The following PICALM variants were observed in gnomAD, a reference collection of about 807,000 sequenced individuals.
PICALM encodes phosphatidylinositol-binding clathrin assembly protein.
A neutral mutation model predicts 80.5 loss-of-function variants in PICALM; 40 were observed. The ratio of observed to expected loss-of-function variants is 0.50; its 90% confidence interval spans 0.39 to 0.65. The LOEUF (loss-of-function observed/expected upper bound fraction) is 0.65. PICALM is among the 30% of genes least tolerant of loss of function. The probability of loss-of-function intolerance (pLI) is 0.00; values close to 1 mark genes in which losing one functional copy is unlikely to be tolerated. For synonymous variants in PICALM, 288 were observed against 260.3 expected (o/e 1.11, Z -1.02); for missense variants, 676 against 778.9 (o/e 0.87, Z 1.57).
chr11:85,977,934 T>C, intron 17 of PICALM: 1 of 725,702 alleles, frequency 1.4e-6, no homozygotes, highest in Non-Finnish European at 2.5e-6. Context: ...AATCAGTAGA[T>C]GCTAGGAAGA....
At chr11:86,039,929 G>C (rs945031569) in intron 1 of PICALM, among the ~76,000 whole-genome samples, 1 of 151,208 alleles carries the variant, frequency 6.6e-6, no homozygotes, top group East Asian at 1.9e-4. Context: ...ACATGAACCC[G>C]GGTGGCGGAG....
intron 1 of PICALM, among the ~76,000 whole-genome samples, chr11:86,057,543 C>A (rs1008109453): frequency 2.6e-5 from 4 of 151,444 alleles, no homozygotes; most frequent in African/African-American, 7.3e-5. Context: ...ATCTCAAAAA[C>A]AAACAAACAT....
chr11:86,023,480 A>G, intron 3 of PICALM: 1 of 985,126 alleles, frequency 1.0e-6, no homozygotes, highest in Non-Finnish European at 1.2e-6. Context: ...ATATGGTTCT[A>G]TCTACTATAC....
At chr11:85,970,895 A>G (rs1258245012) in intron 19 of PICALM, among the ~76,000 whole-genome samples, 3 of 152,216 alleles carry the variant, frequency 2.0e-5, no homozygotes, top group Non-Finnish European at 4.4e-5. Flanking sequence ...AATATTTACA[A>G]AACGGATTAA....
At chr11:85,998,182 G>A (rs550420002) in intron 11 of PICALM, among the ~76,000 whole-genome samples, 2 of 152,168 alleles carry the variant, frequency 1.3e-5, no homozygotes, top group South Asian at 4.1e-4. Context: ...AGCGATCCTG[G>A]CTCACTGCAA....
At chr11:85,960,291 G>A (rs1051770922) in intron 19 of PICALM, among the ~76,000 whole-genome samples, 23 of 152,132 alleles carry the variant, frequency 1.5e-4, no homozygotes, top group Admixed American at 6.5e-4. Flanking sequence ...ATCTAAACTG[G>A]GGGCTAGAGC....
At chr11:85,972,499 C>A (rs939828868) in intron 19 of PICALM, among the ~76,000 whole-genome samples, 1 of 152,140 alleles carries the variant, frequency 6.6e-6, no homozygotes, top group African/African-American at 2.4e-5. Flanking sequence ...GACCCATCTA[C>A]CTTAAAGAAT....
chr11:86,037,784 T>C (rs1476509540), intron 1 of PICALM, among the ~76,000 whole-genome samples: 1 of 152,128 alleles, frequency 6.6e-6, no homozygotes, highest in Non-Finnish European at 1.5e-5. Context: ...AATCGAACAC[T>C]TCCAAAATGA....
intron 13 of PICALM, among the ~76,000 whole-genome samples, chr11:85,986,502 T>G (rs1456346177): frequency 1.4e-5 from 2 of 147,786 alleles, no homozygotes; most frequent in Non-Finnish European, 1.5e-5. Context: ...GCCATTCTCC[T>G]GCCTCAGCCT....
intron 19 of PICALM, among the ~76,000 whole-genome samples, chr11:85,964,927 C>T (rs1029407284): frequency 2.0e-5 from 3 of 152,208 alleles, no homozygotes. Flanking sequence ...ATTATTACAA[C>T]TGTCCTATTT....
At chr11:86,028,506 C>A (rs938897732) in intron 2 of PICALM, among the ~76,000 whole-genome samples, 1 of 152,154 alleles carries the variant, frequency 6.6e-6, no homozygotes, top group African/African-American at 2.4e-5. Flanking sequence ...ATTTCATCTA[C>A]AAATTTTTAA....
At chr11:86,069,158 C>T (rs2096487170), upstream of PICALM, 2 of 228,096 alleles carry the variant, frequency 8.8e-6, no homozygotes, top group African/African-American at 2.3e-5. Flanking sequence ...CTCCTCCCTT[C>T]TCCCGCCCCT....
chr11:86,024,396 C>A (rs1216872526), intron 3 of PICALM, among the ~76,000 whole-genome samples: 1 of 148,076 alleles, frequency 6.8e-6, no homozygotes, highest in Non-Finnish European at 1.5e-5. Context: ...CACCTCCAAA[C>A]TCAAATACAG....
At chr11:86,058,407 AC>A (rs1053945258) in intron 1 of PICALM, among the ~76,000 whole-genome samples, 9 of 152,188 alleles carry the variant, frequency 5.9e-5, no homozygotes, top group Non-Finnish European at 1.0e-4. Context: ...TGGAAAGCAT[AC>A]CCAACTTCCT....
chr11:85,984,140 C>T (rs1049870291), intron 13 of PICALM, among the ~76,000 whole-genome samples, 167 bp from the exon 14 acceptor site: 2 of 152,108 alleles, frequency 1.3e-5, no homozygotes, highest in Admixed American at 6.5e-5. Context: ...GCAGTGATTG[C>T]GTTTTCCCTA....
chr11:86,033,331 T>A (rs2095792321), intron 1 of PICALM, among the ~76,000 whole-genome samples: 1 of 152,198 alleles, frequency 6.6e-6, no homozygotes, highest in African/African-American at 2.4e-5. Context: ...TATGTATATG[T>A]ACATATATCC....
intron 1 of PICALM, among the ~76,000 whole-genome samples, chr11:86,064,125 A>G (rs2096409953): frequency 6.6e-6 from 1 of 152,258 alleles, no homozygotes; most frequent in African/African-American, 2.4e-5. Flanking sequence ...ATGTAGTTAC[A>G]CAAACCACTA....
intron 11 of PICALM, among the ~76,000 whole-genome samples, chr11:85,997,625 C>T (rs141715293): frequency 5.9e-5 from 9 of 152,292 alleles, no homozygotes; most frequent in East Asian, 1.9e-4. Context: ...TGCGCAGCAC[C>T]GCATCCGGCT....
chr11:86,043,449 T>TA lies in PICALM; in HGVS notation c.131-11839dup, dbSNP rs139413191. Among the ~76,000 whole-genome samples the TA allele has an allele frequency of 1.6e-3, 244 of 152,312 alleles. 1 individual carries two copies. Among genetic ancestry groups the TA allele is most frequent in the African/African-American group, 5.5e-3 (230 of 41,572 alleles). ...TCAATCTAAGGTCTTCTGGGGGAGT[T>TA]AGAGACATTAGAATTTTTCACCTCT... is the stretch of plus-strand genomic sequence containing the variant. On this transcript the variant is annotated intron_variant, in intron 1 of 19. Transcript: ENST00000393346.
Sources: gnomAD v4.1 joint callset for allele counts (sites outside exome capture counted in the v4.1 genomes callset) on GRCh38, gnomAD v4.1.1 for gene constraint, MANE v1.5 for transcripts, NCBI Gene and HGNC (gene_info 2026-07-23, HGNC 2026-07-21) for gene names.